MTUS2: variants seen among roughly 807,000 people sequenced by gnomAD.
MTUS2 encodes the protein microtubule associated scaffold protein 2.
In MTUS2, 40 loss-of-function variants were observed where a neutral mutation model predicts 114.1. That is an observed-to-expected ratio of 0.35 (90% CI 0.27 to 0.46). MTUS2 has a LOEUF of 0.46. MTUS2 is among the 20% of genes least tolerant of loss of function. The pLI is 1.00. For synonymous variants in MTUS2, 688 were observed against 672.0 expected, an observed-to-expected ratio of 1.02 and a Z score of -0.37; for missense variants, 1,679 against 1,705.4, an observed-to-expected ratio of 0.98 and a Z score of 0.27.
chr13:29,057,752 C>A (rs1275542911), intron 4 of MTUS2, among the ~76,000 whole-genome samples: 1 of 152,104 alleles, frequency 6.6e-6, no homozygotes. Context: ...CTTTATCTAG[C>A]TTGCCATTCT....
At chr13:29,451,644 G>A (rs1027688286) in intron 9 of MTUS2, among the ~76,000 whole-genome samples, 1 of 151,878 alleles carries the variant, frequency 6.6e-6, no homozygotes, top group African/African-American at 2.4e-5. Context: ...GAATGCAGTG[G>A]CACAATCTCA....
intron 1 of MTUS2, among the ~76,000 whole-genome samples, chr13:28,832,105 T>C (rs932466969): frequency 1.3e-5 from 2 of 152,180 alleles, no homozygotes; most frequent in African/African-American, 2.4e-5. Flanking sequence ...CAGAAGATCT[T>C]ATTTTCTTGC....
intron 4 of MTUS2, among the ~76,000 whole-genome samples, chr13:29,059,704 C>G (rs546056578): frequency 1.3e-5 from 2 of 152,290 alleles, no homozygotes; most frequent in South Asian, 4.1e-4. Context: ...GCTTGCCTGG[C>G]TATGAGAGTT....
At chr13:29,307,506 G>T (rs1899530040) in intron 6 of MTUS2, 3 of 1,246,148 alleles carry the variant, frequency 2.4e-6, no homozygotes, top group Admixed American at 3.5e-5. Flanking sequence ...TGTCAGTTGT[G>T]GATCTGACCT....
intron 8 of MTUS2, among the ~76,000 whole-genome samples, chr13:29,392,504 C>T (rs1415659921): frequency 4.6e-5 from 7 of 152,186 alleles, no homozygotes; most frequent in East Asian, 1.9e-4. Flanking sequence ...CCTGTCTGGA[C>T]GGCTCTTGCC....
At chr13:29,319,636 C>T (rs1262782116) in intron 6 of MTUS2, among the ~76,000 whole-genome samples, 1 of 152,090 alleles carries the variant, frequency 6.6e-6, no homozygotes, top group African/African-American at 2.4e-5. Flanking sequence ...GTTGTACGCC[C>T]CCTCCAGGCC....
At chr13:29,160,808 C>T (rs966550572) in intron 5 of MTUS2, among the ~76,000 whole-genome samples, 7 of 151,962 alleles carry the variant, frequency 4.6e-5, no homozygotes, top group Non-Finnish European at 7.4e-5. Flanking sequence ...TTTTCAACCA[C>T]GTTGGGGTTG....
chr13:29,100,971 G>A lies in MTUS2; in HGVS notation c.2644+1G>A. 3 of 1,544,228 alleles carry A rather than the reference G, an allele frequency of 1.9e-6. No homozygotes were observed. The highest frequency in any genetic ancestry group is 2.6e-6 in the Non-Finnish European group (3 of 1,141,278). On this transcript the variant is annotated splice_donor_variant, in intron 5 of 15. Coordinates refer to ENST00000612955, the MANE Select transcript of MTUS2 (RefSeq NM_001033602.4). LOFTEE classifies it high-confidence loss of function. ...CCAGAGCAGGGCCGGCCAGCCACCC[G>A]TAAGTGGGGTGGGGCAGGGTGGGGT...
intron 7 of MTUS2, among the ~76,000 whole-genome samples, chr13:29,324,912 T>C (rs9508352): frequency 0.8 from 122,387 of 152,222 alleles, 50,238 homozygotes; most frequent in East Asian, 0.91. Context: ...AAACAAGATG[T>C]TATGCTATGT....
chr13:29,480,461 G>C lies in MTUS2; in HGVS notation c.3399+97G>C, dbSNP rs1000174165. On this transcript the variant is annotated intron_variant, in intron 10 of 15. Coordinates refer to ENST00000612955, the MANE Select transcript of MTUS2 (RefSeq NM_001033602.4). The surrounding 1 kb of genome is among the most constrained non-coding windows in gnomAD (Gnocchi z 4.4). The stretch of plus-strand genomic sequence containing the variant: ...CATTAGCAAGAAGTCCTATTCAGTA[G>C]GTGAGCTTTCTGAACAGTTCACTTT... The C allele has an allele frequency of 3.5e-5, 45 of 1,291,466 alleles. No individual in the cohort carries two copies. The highest frequency in any genetic ancestry group is 4.5e-5 in the Non-Finnish European group (43 of 959,880). The allele number at this position is 1,291,466 out of a possible 1,614,324, so 80.0% of individuals were successfully genotyped here. A position where few individuals can be genotyped will look rare whatever the true frequency, so the allele number is the denominator to read the frequency against.
rs567609052 is a variant in MTUS2 at position 29,332,338 on chromosome 13, T to G, written c.2905+7627T>G. On this transcript the variant is annotated intron_variant, in intron 7 of 15. Coordinates refer to ENST00000612955, the MANE Select transcript of MTUS2 (RefSeq NM_001033602.4). ...TCCATTTCTTCTAGATTTTCAAGTT[T>G]ATTTGAGTAGAGGTGTTTATAGTAT... Among the ~76,000 whole-genome samples the G allele has an allele frequency of 2.0e-5, 3 of 152,322 alleles. No homozygotes were observed. In the South Asian group the frequency reaches 6.2e-4, roughly 32 times the overall value.
At position 29,389,415 on chromosome 13, in the gene MTUS2, G is replaced by GTATATA. The variant is rs1555272462; in HGVS notation, c.3117+29943_3117+29944insATATAT. Among the ~76,000 whole-genome samples, 15 of 90,034 alleles carry GTATATA rather than the reference G, an allele frequency of 1.7e-4. 2 individuals are homozygous for GTATATA. Among genetic ancestry groups the GTATATA allele is most frequent in the African/African-American group, 6.9e-4 (15 of 21,838 alleles). 59.1% of individuals were successfully genotyped at this position (90,034 alleles called of 152,430 possible). On this transcript the variant is annotated intron_variant, in intron 8 of 15. Coordinates refer to ENST00000612955, the MANE Select transcript of MTUS2 (RefSeq NM_001033602.4). The stretch of plus-strand genomic sequence containing the variant: ...TGTGTGTATATATGTATACACGTGT[G>GTATATA]TGTGTATGTATACACGTGTGTGTAT...
chr13:28,934,367 C>G (rs1230064041), intron 2 of MTUS2, among the ~76,000 whole-genome samples: 1 of 152,124 alleles, frequency 6.6e-6, no homozygotes, highest in Non-Finnish European at 1.5e-5. Flanking sequence ...TTTCTAGATT[C>G]ACTCACTGTT....
intron 3 of MTUS2, among the ~76,000 whole-genome samples, chr13:29,029,528 A>G (rs1157994591): frequency 6.6e-6 from 1 of 152,196 alleles, no homozygotes; most frequent in Non-Finnish European, 1.5e-5. Context: ...TCTATAAGGC[A>G]GGGAATCACT....
chr13:29,247,596 A>G (rs889112920), intron 5 of MTUS2, among the ~76,000 whole-genome samples: 2 of 152,314 alleles, frequency 1.3e-5, no homozygotes, highest in East Asian at 3.9e-4. Context: ...AAAAGACATA[A>G]ATAGACAATT....
chr13:28,949,445 G>A (rs926273126), intron 2 of MTUS2, among the ~76,000 whole-genome samples: 2 of 152,122 alleles, frequency 1.3e-5, no homozygotes, highest in Admixed American at 1.3e-4. Flanking sequence ...TTCTCATAAT[G>A]TTTTGAAAAT....
At chr13:29,192,253 A>G (rs1265866373) in intron 5 of MTUS2, among the ~76,000 whole-genome samples, 1 of 152,208 alleles carries the variant, frequency 6.6e-6, no homozygotes, top group African/African-American at 2.4e-5. Flanking sequence ...TGGGTTACTA[A>G]GTATACAGAA....
intron 8 of MTUS2, among the ~76,000 whole-genome samples, chr13:29,364,059 A>G (rs956871267): frequency 1.3e-5 from 2 of 152,208 alleles, no homozygotes; most frequent in Non-Finnish European, 2.9e-5. Flanking sequence ...CCACTATATT[A>G]TGATGCTACT....
At chr13:29,323,255 C>CT (rs60638556) in intron 6 of MTUS2, among the ~76,000 whole-genome samples, 5,360 of 143,162 alleles carry the variant, frequency 0.037, 291 homozygotes, top group African/African-American at 0.12. Context: ...TATGATGTGG[C>CT]TTTTTTTTTT....
Sources: allele counts gnomAD v4.1 joint callset (sites outside exome capture counted in the v4.1 genomes callset), GRCh38; gene constraint gnomAD v4.1.1; non-coding constraint Gnocchi (gnomAD v3.1); transcripts MANE v1.5; gene names NCBI Gene and HGNC (gene_info 2026-07-23, HGNC 2026-07-21).